The following DNM3 variants were observed in gnomAD, a reference collection of about 807,000 sequenced individuals.
DNM3 encodes the protein dynamin-3.
Under a neutral mutation model 101.6 loss-of-function variants are expected in DNM3, and 47 were observed. The ratio of observed to expected loss-of-function variants is 0.46; its 90% CI spans 0.37 to 0.59. The LOEUF is 0.59. Among genes scored for constraint, DNM3 ranks in the 20% least tolerant of loss-of-function variants. The pLI is 0.00. For synonymous variants in DNM3, 385 were observed against 387.9 expected (o/e 0.99, Z 0.09); for missense variants, 849 against 1,085.7 (o/e 0.78, Z 3.06).
At chr1:172,195,476 A>G (rs1477252725) in intron 14 of DNM3, among the ~76,000 whole-genome samples, 2 of 151,822 alleles carry the variant, frequency 1.3e-5, no homozygotes, top group African/African-American at 4.8e-5. Flanking sequence ...GGGAGTTGTG[A>G]GAGGGGACAT....
intron 1 of DNM3, among the ~76,000 whole-genome samples, chr1:171,921,537 T>C (rs1417554925): frequency 6.6e-6 from 1 of 152,208 alleles, no homozygotes; most frequent in East Asian, 1.9e-4. Context: ...ATTATGATAA[T>C]GTACATGGAT....
intron 10 of DNM3, among the ~76,000 whole-genome samples, chr1:172,063,329 T>A (rs2125919493): frequency 6.6e-6 from 1 of 152,038 alleles, no homozygotes; most frequent in East Asian, 1.9e-4. Context: ...ATTTTGGAAG[T>A]GTATAATTTT....
At chr1:172,180,713 A>C (rs1423529939) in intron 14 of DNM3, among the ~76,000 whole-genome samples, 2 of 152,038 alleles carry the variant, frequency 1.3e-5, no homozygotes, top group Non-Finnish European at 2.9e-5. Flanking sequence ...GTGTTTCTGT[A>C]GAGGGTTAGA....
intron 4 of DNM3, among the ~76,000 whole-genome samples, chr1:172,019,716 C>T (rs1332928099): frequency 6.6e-6 from 1 of 151,692 alleles, no homozygotes; most frequent in African/African-American, 2.4e-5. Flanking sequence ...TATGCTCAAG[C>T]TTGGTGATTG....
At chr1:171,978,233 A>T (rs1236655747) in intron 2 of DNM3, among the ~76,000 whole-genome samples, 1 of 152,160 alleles carries the variant, frequency 6.6e-6, no homozygotes, top group Non-Finnish European at 1.5e-5. Flanking sequence ...GACAGTGACC[A>T]TGTGCACCGA....
intron 12 of DNM3, among the ~76,000 whole-genome samples, chr1:172,088,125 T>A (rs1253809058): frequency 6.6e-6 from 1 of 152,220 alleles, no homozygotes; most frequent in Non-Finnish European, 1.5e-5. Flanking sequence ...CTAGGTAATG[T>A]CAGTGATGAG....
At position 172,194,231 on chromosome 1, in the gene DNM3, T is replaced by G. The variant is rs141711644; in HGVS notation, c.1660-59342T>G. Among the ~76,000 whole-genome samples the G allele has an allele frequency of 9.7e-3, 1,475 of 152,262 alleles. 26 individuals are homozygous for G. Among genetic ancestry groups the G allele is most frequent in the African/African-American group, 0.034 (1,408 of 41,552 alleles). On this transcript the variant is annotated intron_variant, in intron 14 of 20. Coordinates refer to ENST00000627582, the MANE Select transcript of DNM3 (RefSeq NM_015569.5). ...CTGCACTGTGGTCTGAGAGACAGTT[T>G]GTTATAAAGTCTGTTGTTTTACATT...
At chr1:172,347,058 A>G (rs910181714) in intron 17 of DNM3, among the ~76,000 whole-genome samples, 3 of 152,150 alleles carry the variant, frequency 2.0e-5, no homozygotes, top group Admixed American at 6.5e-5. Flanking sequence ...CTGCCTTTAA[A>G]CTGCATAGCC....
intron 17 of DNM3, among the ~76,000 whole-genome samples, chr1:172,333,586 T>A (rs2066286319): frequency 6.6e-6 from 1 of 152,220 alleles, no homozygotes; most frequent in South Asian, 2.1e-4. Flanking sequence ...AGCATTTTCA[T>A]TTTGTTTATC....
At chr1:171,856,587 A>G (rs1471770393) in intron 1 of DNM3, among the ~76,000 whole-genome samples, 2 of 151,676 alleles carry the variant, frequency 1.3e-5, no homozygotes, top group Non-Finnish European at 2.9e-5. Flanking sequence ...GAGATCTTCC[A>G]CCTCCCTGGT....
At chr1:172,229,263 A>G (rs1000780022) in intron 14 of DNM3, among the ~76,000 whole-genome samples, 1 of 152,318 alleles carries the variant, frequency 6.6e-6, no homozygotes, top group Admixed American at 6.5e-5. Flanking sequence ...TAGTATGTTC[A>G]GAATTCTAGA....
chr1:172,141,424 G>A (rs1162114838), intron 14 of DNM3, among the ~76,000 whole-genome samples: 1 of 151,990 alleles, frequency 6.6e-6, no homozygotes, highest in African/African-American at 2.4e-5. Context: ...TATTGTGATG[G>A]GTGGGCTATT....
intron 2 of DNM3, among the ~76,000 whole-genome samples, chr1:171,978,629 G>A (rs748710107): frequency 6.6e-6 from 1 of 152,162 alleles, no homozygotes; most frequent in Non-Finnish European, 1.5e-5. Flanking sequence ...TTTAAACAGG[G>A]GAGAAGCATG....
At chr1:172,031,119 A>G (rs1322621484) in intron 4 of DNM3, among the ~76,000 whole-genome samples, 1 of 152,224 alleles carries the variant, frequency 6.6e-6, no homozygotes, top group African/African-American at 2.4e-5. Flanking sequence ...TTATTGATGC[A>G]CTATTTATAG....
intron 14 of DNM3, among the ~76,000 whole-genome samples, chr1:172,179,704 T>C (rs1572849167): frequency 1.3e-5 from 2 of 151,986 alleles, no homozygotes; most frequent in Non-Finnish European, 2.9e-5. Flanking sequence ...CAGCATAGTT[T>C]TGGGAATACA....
intron 17 of DNM3, among the ~76,000 whole-genome samples, chr1:172,334,828 A>G (rs1189901085): frequency 6.6e-6 from 1 of 152,162 alleles, no homozygotes; most frequent in Admixed American, 6.6e-5. Context: ...GCCTTAACCC[A>G]CACTTTTTTG....
chr1:172,343,087 G>A (rs1304798240), intron 17 of DNM3, among the ~76,000 whole-genome samples: 1 of 152,156 alleles, frequency 6.6e-6, no homozygotes, highest in South Asian at 2.1e-4. Context: ...ACATGTGCAT[G>A]TATACATTAA....
chr1:172,312,415 TA>T (rs990028379), intron 16 of DNM3, among the ~76,000 whole-genome samples: 2 of 152,220 alleles, frequency 1.3e-5, no homozygotes, highest in Non-Finnish European at 2.9e-5. Flanking sequence ...TTGACATCAT[TA>T]GATAAACAGC....
rs57265665 is a variant in DNM3, at chr1:171,864,859, T to TA, written c.161+23053dup. On this transcript the variant is annotated intron_variant, in intron 1 of 20. Coordinates refer to ENST00000627582, the MANE Select transcript of DNM3 (RefSeq NM_015569.5). Reference sequence around the variant, plus strand: ...AAAAATTTTCTAATTCTTGCTTAAATAAAAAAAAAAACTAATTGTATAGCT... The same window carrying TA: ...AAAAATTTTCTAATTCTTGCTTAAATAAAAAAAAAAAACTAATTGTATAGCT... 9.3e-3 allele frequency among the ~76,000 whole-genome samples: 1,365 copies of TA among 146,174 alleles called. 8 individuals carry two copies. The highest frequency in any genetic ancestry group is 0.033 in the Middle Eastern group (9 of 270).
Sources: allele counts gnomAD v4.1 joint callset (sites outside exome capture counted in the v4.1 genomes callset), GRCh38; gene constraint gnomAD v4.1.1; transcripts MANE v1.5; gene names NCBI Gene and HGNC (gene_info 2026-07-23, HGNC 2026-07-21).